The following BMPER variants were observed in gnomAD, a reference collection of about 807,000 sequenced individuals.
The protein encoded by BMPER is BMP-binding endothelial regulator protein.
Under a neutral mutation model 87.3 loss-of-function variants are expected in BMPER, and 45 were observed. That is an observed-to-expected ratio of 0.52 (90% CI 0.41 to 0.66). The LOEUF is 0.66. Among genes scored for constraint, BMPER ranks in the 30% least tolerant of loss-of-function variants. The probability of loss-of-function intolerance (pLI) is 0.00; values close to 1 mark genes in which losing one functional copy is unlikely to be tolerated. For missense variants in BMPER, 784 were observed against 867.5 expected (o/e 0.90, Z 1.21); for synonymous variants, 326 against 316.2 (o/e 1.03, Z -0.33).
At chr7:34,098,313 T>G (rs1349451427) in intron 13 of BMPER, among the ~76,000 whole-genome samples, 1 of 152,066 alleles carries the variant, frequency 6.6e-6, no homozygotes, top group African/African-American at 2.4e-5. Flanking sequence ...TCTCCCACCA[T>G]GCACAGGAGG....
intron 2 of BMPER, among the ~76,000 whole-genome samples, chr7:33,925,563 G>A (rs1784338847): frequency 6.6e-6 from 1 of 152,170 alleles, no homozygotes; most frequent in Non-Finnish European, 1.5e-5. Context: ...GTTTTAGAAT[G>A]TAAGTTAAAA....
intron 6 of BMPER, among the ~76,000 whole-genome samples, chr7:33,976,003 A>C (rs1460616320): frequency 1.3e-5 from 2 of 152,166 alleles, no homozygotes; most frequent in East Asian, 3.9e-4. Context: ...GATATAAAAC[A>C]TATGTAATAT....
At chr7:34,016,482 G>GTACT (rs1400753812) in intron 6 of BMPER, among the ~76,000 whole-genome samples, 1 of 151,924 alleles carries the variant, frequency 6.6e-6, no homozygotes, top group African/African-American at 2.4e-5. Flanking sequence ...AATTAGGATA[G>GTACT]TACTGATCCT....
At chr7:33,921,676 A>C (rs1784233355) in intron 2 of BMPER, 1 of 461,322 alleles carries the variant, frequency 2.2e-6, no homozygotes, top group Admixed American at 2.4e-5. Context: ...TCTTCATGGG[A>C]TGGATTCCCA....
intron 14 of BMPER, among the ~76,000 whole-genome samples, chr7:34,146,229 C>T (rs1381694998): frequency 6.6e-6 from 1 of 152,116 alleles, no homozygotes; most frequent in South Asian, 2.1e-4. Flanking sequence ...TCCTTTGACT[C>T]ACGACGGCAC....
At chr7:34,070,836 T>TTTA (rs1554313846) in intron 11 of BMPER, among the ~76,000 whole-genome samples, 1 of 147,798 alleles carries the variant, frequency 6.8e-6, no homozygotes, top group Non-Finnish European at 1.5e-5. Flanking sequence ...TTTTTTTTTT[T>TTTA]AATTTCTACT....
At chr7:33,969,072 G>A (rs1308409394) in intron 4 of BMPER, among the ~76,000 whole-genome samples, 1 of 152,214 alleles carries the variant, frequency 6.6e-6, no homozygotes, top group Non-Finnish European at 1.5e-5. Context: ...TCTCCAGTGA[G>A]TGGAAACCTC....
At chr7:34,104,828 A>G (rs1236176045) in intron 13 of BMPER, among the ~76,000 whole-genome samples, 2 of 152,200 alleles carry the variant, frequency 1.3e-5, no homozygotes, top group Admixed American at 1.3e-4. Context: ...TGACACCATC[A>G]TGGATCTCCC....
intron 13 of BMPER, among the ~76,000 whole-genome samples, chr7:34,135,031 A>G (rs1377729024): frequency 6.6e-6 from 1 of 152,210 alleles, no homozygotes; most frequent in Non-Finnish European, 1.5e-5. Context: ...GCTGCTGTGC[A>G]CGTAATGCCA....
chr7:34,148,166 T>C (rs1791078940), intron 14 of BMPER, among the ~76,000 whole-genome samples: 1 of 152,148 alleles, frequency 6.6e-6, no homozygotes, highest in South Asian at 2.1e-4. Flanking sequence ...TACCTTGCTG[T>C]TGCCTGTACC....
chr7:33,986,779 A>G (rs1047579857), intron 6 of BMPER, among the ~76,000 whole-genome samples: 1 of 152,216 alleles, frequency 6.6e-6, no homozygotes, highest in African/African-American at 2.4e-5. Flanking sequence ...CTTTTTAGTC[A>G]ACAAAATAGG....
chr7:33,972,815 C>A (rs1785583369), intron 5 of BMPER, among the ~76,000 whole-genome samples: 1 of 152,236 alleles, frequency 6.6e-6, no homozygotes, highest in Non-Finnish European at 1.5e-5. Context: ...GAATCAATTT[C>A]ATTCCCTCGC....
At chr7:33,921,483 C>G (rs1282209270) in intron 2 of BMPER, among the ~76,000 whole-genome samples, 1 of 152,214 alleles carries the variant, frequency 6.6e-6, no homozygotes, top group East Asian at 1.9e-4. Context: ...CCACAGAGCT[C>G]TCTTTCAGAG....
At chr7:33,929,898 C>CA (rs1784442059) in intron 2 of BMPER, among the ~76,000 whole-genome samples, 1 of 152,216 alleles carries the variant, frequency 6.6e-6, no homozygotes, top group Non-Finnish European at 1.5e-5. Context: ...GCCTGGAAAA[C>CA]ACTATGTTAC....
At chr7:34,046,931 T>TA (rs983916200) in intron 7 of BMPER, among the ~76,000 whole-genome samples, 3 of 151,870 alleles carry the variant, frequency 2.0e-5, no homozygotes, top group African/African-American at 7.2e-5. Flanking sequence ...ACTTTATTTT[T>TA]TTTTTTTTCT....
chr7:34,140,444 A>G (rs1266779200), intron 13 of BMPER, among the ~76,000 whole-genome samples: 1 of 152,236 alleles, frequency 6.6e-6, no homozygotes, highest in African/African-American at 2.4e-5. Flanking sequence ...TTTCAAGTAA[A>G]GGTCTGGCTT....
rs1300125124 is a variant in BMPER at position 33,940,967 on chromosome 7, A to AATATAATTTATATATATTATATATTTAT, written c.319+3593_319+3620dup. Reference sequence around the variant, plus strand: ...ATATGTAACATATATATTTATATATAATATAATTTATATATATTATATATT... The same window carrying AATATAATTTATATATATTATATATTTAT: ...ATATGTAACATATATATTTATATATAATATAATTTATATATATTATATATTTATATATAATTTATATATATTATATATT... On this transcript the variant is annotated intron_variant, in intron 3 of 14. Transcript: ENST00000649409. 1.2e-3 allele frequency among the ~76,000 whole-genome samples: 156 copies of AATATAATTTATATATATTATATATTTAT among 135,408 alleles called. 1 individual carries two copies. The highest frequency in any genetic ancestry group is 0.011 in the Admixed American group (134 of 12,234). The allele number at this position is 135,408 out of a possible 152,430, so 88.8% of individuals were successfully genotyped here.
chr7:34,095,959 ATC>A (rs1419069564), intron 13 of BMPER, among the ~76,000 whole-genome samples: 1 of 151,978 alleles, frequency 6.6e-6, no homozygotes, highest in Non-Finnish European at 1.5e-5. Context: ...TAGAGATAAT[ATC>A]TTCACCCAAC....
At chr7:34,124,215 A>G (rs1461532044) in intron 13 of BMPER, among the ~76,000 whole-genome samples, 1 of 152,154 alleles carries the variant, frequency 6.6e-6, no homozygotes, top group East Asian at 1.9e-4. Context: ...ATCTTCTCCC[A>G]TGATGAACTA....
Sources: gnomAD v4.1 joint callset for allele counts (sites outside exome capture counted in the v4.1 genomes callset) on GRCh38, gnomAD v4.1.1 for gene constraint, MANE v1.5 for transcripts, NCBI Gene and HGNC (gene_info 2026-07-23, HGNC 2026-07-21) for gene names.